The following JAG1 variants were observed in gnomAD, a reference collection of about 807,000 sequenced individuals.
JAG1 encodes protein jagged-1.
Under a neutral mutation model 148.7 loss-of-function variants are expected in JAG1, and 23 were observed. That is an observed-to-expected ratio of 0.15 (90% CI 0.11 to 0.22). The LOEUF is 0.22. Ranked by LOEUF, JAG1 falls within the 10% of genes least tolerant of loss-of-function variation. The pLI is 1.00. For missense variants in JAG1, 1,054 were observed against 1,611.2 expected (o/e 0.65, Z 5.92); for synonymous variants, 572 against 598.3 (o/e 0.96, Z 0.64).
intron 21 of JAG1, among the ~76,000 whole-genome samples, chr20:10,642,272 G>T (rs188252168): frequency 1.2e-4 from 18 of 152,322 alleles, no homozygotes; most frequent in African/African-American, 4.3e-4. Context: ...AGCCACAGCA[G>T]TTTGGGATGG....
intron 2 of JAG1, among the ~76,000 whole-genome samples, chr20:10,670,613 A>G (rs898190126): frequency 1.3e-5 from 2 of 152,226 alleles, no homozygotes; most frequent in African/African-American, 4.8e-5. Flanking sequence ...CAGAAAAACA[A>G]ATACACCTAA....
chr20:10,645,907 TGAA>T lies in JAG1; in HGVS notation c.1999+61_1999+63del. 1 of 1,133,278 alleles carries T rather than the reference TGAA, an allele frequency of 8.8e-7. No homozygotes were observed. The highest frequency in any genetic ancestry group is 1.3e-6 in the Non-Finnish European group (1 of 741,462). The allele number at this position is 1,133,278 out of a possible 1,614,324, so 70.2% of individuals were successfully genotyped here. On this transcript the variant is annotated intron_variant, in intron 15 of 25. Transcript: ENST00000254958. The surrounding 1 kb of genome is among the most constrained non-coding windows in gnomAD (Gnocchi z 6.1). ...CAGTACAAAGAAAGTTTTCCCACGT[TGAA>T]GTGGGATCCCTCCAACATGACCCAT... is the stretch of plus-strand genomic sequence containing the variant.
At position 10,673,518 on chromosome 20, in the gene JAG1, G is replaced by T. The variant is rs2122645989; in HGVS notation, c.13C>A (p.Arg5=). MRSP[R]TRGRSGRPLS... is the part of the protein sequence containing the mutation. ...GGGCGCCCGGACCGGCCGCGCGTCC[G>T]TGGGGAACGCATCGCTGCGCCGCGC... Residue 5 remains arginine (R), a synonymous_variant, in exon 1 of 26, where the codon CGG becomes AGG. Coordinates refer to ENST00000254958, the MANE Select transcript of JAG1 (RefSeq NM_000214.3). This position sits in a 1 kb window ranked among gnomAD's most constrained non-coding sequence, Gnocchi z 4.7. 2 of 1,256,886 alleles carry T rather than the reference G, an allele frequency of 1.6e-6. No individual in the cohort carries two copies. The allele number at this position is 1,256,886 out of a possible 1,614,324, so 77.9% of individuals were successfully genotyped here. A position where few individuals can be genotyped will look rare whatever the true frequency, so the allele number is the denominator to read the frequency against.
chr20:10,659,706 T>C (rs2067403017), intron 3 of JAG1, among the ~76,000 whole-genome samples: 1 of 151,628 alleles, frequency 6.6e-6, no homozygotes, highest in Non-Finnish European at 1.5e-5. Context: ...CACCAAAGTT[T>C]AGACACAGGT....
chr20:10,655,734 C>G (rs2067374520), intron 5 of JAG1, among the ~76,000 whole-genome samples: 1 of 152,126 alleles, frequency 6.6e-6, no homozygotes, highest in Non-Finnish European at 1.5e-5. Context: ...CAAAATAAGC[C>G]TTTTCCAAAC....
Position 10,640,899 on chromosome 20 carries a change from A to G in JAG1, c.3083T>C (p.Ile1028Thr), listed in dbSNP as rs761187116. 1.9e-6 allele frequency: 3 copies of G among 1,614,142 alleles called. No individual in the cohort carries two copies. The highest frequency in any genetic ancestry group is 2.5e-6 in the Non-Finnish European group (3 of 1,180,010). ...GATTATTTTGTCAGTGATTTCCTTG[A>G]TCGGGTTCCCATCATCCCGTATATC... ...AEDIRDDGNP[I>T]KEITDKIIDL... Residue 1028 changes from isoleucine (I) to threonine (T), a missense_variant, in exon 25 of 26, where the codon ATC becomes ACC. Coordinates refer to ENST00000254958, the MANE Select transcript of JAG1 (RefSeq NM_000214.3).
rs1600196655 is a variant in JAG1, at chr20:10,673,024, A to C, written c.82-18T>G. On this transcript the variant is annotated intron_variant, in intron 1 of 25. Transcript: ENST00000254958. The surrounding 1 kb of genome is among the most constrained non-coding windows in gnomAD (Gnocchi z 4.7). ...CCACACACCTGCCGGCGAGGGAAGG[A>C]GGTAGGTCAGCGCGGGAGAAAGCTG... 6.2e-7 allele frequency: 1 copy of C among 1,603,056 alleles called. No homozygotes were observed. The highest frequency in any genetic ancestry group is 8.5e-7 in the Non-Finnish European group (1 of 1,179,558).
chr20:10,656,784 C>T (rs1443708354), intron 4 of JAG1, among the ~76,000 whole-genome samples: 1 of 151,386 alleles, frequency 6.6e-6, no homozygotes, highest in Non-Finnish European at 1.5e-5. Flanking sequence ...AGTTTCCATT[C>T]TGCCCACACC....
In JAG1 at chr20:10,645,030, TC is replaced by T; in HGVS notation, c.2228-52del. The T allele has an allele frequency of 1.3e-6, 2 of 1,546,074 alleles. No individual in the cohort carries two copies. Among genetic ancestry groups the T allele is most frequent in the Non-Finnish European group, 1.8e-6 (2 of 1,118,134 alleles). Reference sequence around the variant, plus strand: ...ACCCTCCCTGAGTATCCAGAAACAGTCTGGAGGGGCAAGAACCAGGCCCAGA... The same window carrying T: ...ACCCTCCCTGAGTATCCAGAAACAGTTGGAGGGGCAAGAACCAGGCCCAGA... On this transcript the variant is annotated intron_variant, in intron 17 of 25. Coordinates refer to ENST00000254958, the MANE Select transcript of JAG1 (RefSeq NM_000214.3). The surrounding 1 kb of genome is among the most constrained non-coding windows in gnomAD (Gnocchi z 6.1).
intron 7 of JAG1, 120 bp from the exon 8 acceptor site, chr20:10,651,814 G>A: frequency 1.4e-6 from 1 of 735,656 alleles, no homozygotes; most frequent in South Asian, 1.5e-5. Flanking sequence ...AAAACCAAAA[G>A]CAAGCGTGTG....
chr20:10,673,156 G>T lies in JAG1; in HGVS notation c.82-150C>A. The T allele has an allele frequency of 1.5e-6, 1 of 650,426 alleles. No homozygotes were observed. The highest frequency in any genetic ancestry group is 2.6e-6 in the Non-Finnish European group (1 of 388,052). 40.3% of individuals were successfully genotyped at this position (650,426 alleles called of 1,614,324 possible). On this transcript the variant is annotated intron_variant, in intron 1 of 25. Coordinates refer to ENST00000254958, the MANE Select transcript of JAG1 (RefSeq NM_000214.3). This position sits in a 1 kb window ranked among gnomAD's most constrained non-coding sequence, Gnocchi z 4.7. ...GAAACTACGTTCAAGGACTCAACAT[G>T]ATTCCGGGGCAAAAAAAAAAAAAAA...
intron 18 of JAG1, chr20:10,644,604 T>C (rs1002236390): frequency 3.1e-6 from 2 of 645,550 alleles, no homozygotes. Context: ...GGGATAGGGG[T>C]GGGGGTGAGA....
intron 5 of JAG1, among the ~76,000 whole-genome samples, chr20:10,653,449 C>T (rs547569485): frequency 6.6e-6 from 1 of 150,778 alleles, no homozygotes; most frequent in African/African-American, 2.4e-5. Context: ...GAGGGGGCAG[C>T]GTCTCAAACC....
rs773778506 is a variant in JAG1, at chr20:10,673,046, G to A, written c.82-40C>T. ...AGGAGGTAGGTCAGCGCGGGAGAAA[G>A]CTGTTTTCTTCGAGTATAGAGGTGG... On this transcript the variant is annotated intron_variant, in intron 1 of 25. Transcript: ENST00000254958. The surrounding 1 kb of genome is among the most constrained non-coding windows in gnomAD (Gnocchi z 4.7). The A allele has an allele frequency of 2.0e-5, 32 of 1,590,338 alleles. No homozygotes were observed. Among genetic ancestry groups the A allele is most frequent in the Non-Finnish European group, 2.6e-5 (30 of 1,171,266 alleles).
At position 10,645,875 on chromosome 20, in the gene JAG1, A is replaced by G. The variant is rs1600182012; in HGVS notation, c.1999+96T>C. 3.4e-6 allele frequency: 3 copies of G among 875,584 alleles called. No individual in the cohort carries two copies. The East Asian group carries it at 7.2e-5, about 21-fold the overall frequency. The allele number at this position is 875,584 out of a possible 1,614,324, so 54.2% of individuals were successfully genotyped here. A position where few individuals can be genotyped will look rare whatever the true frequency, so the allele number is the denominator to read the frequency against. On this transcript the variant is annotated intron_variant, in intron 15 of 25. Coordinates refer to ENST00000254958, the MANE Select transcript of JAG1 (RefSeq NM_000214.3). This position sits in a 1 kb window ranked among gnomAD's most constrained non-coding sequence, Gnocchi z 6.1. ...GAAATCACTGCGGTCTTGCTTCCAG[A>G]GATTTCCAGTACAAAGAAAGTTTTC...
At position 10,644,708 on chromosome 20, in the gene JAG1, G is replaced by A. The variant is rs529201970; in HGVS notation, c.2344+155C>T. On this transcript the variant is annotated intron_variant, in intron 18 of 25. Transcript: ENST00000254958. ...TTATTGGCGACTTTCTCATGCCCAG[G>A]TCAGGGCTGTATCCCATCAAGTCAT... is the stretch of plus-strand genomic sequence containing the variant. The A allele has an allele frequency of 7.7e-5, 56 of 725,248 alleles. No individual in the cohort carries two copies. The African/African-American group carries it at 9.1e-4, about 12-fold the overall frequency. The allele number at this position is 725,248 out of a possible 1,614,324, so 44.9% of individuals were successfully genotyped here.
At chr20:10,641,412 G>T (rs374501005) in intron 23 of JAG1, 48 bp downstream of exon 23, 7 of 1,549,686 alleles carry the variant, frequency 4.5e-6, no homozygotes, top group Non-Finnish European at 4.4e-6. Context: ...TTTAAAGCAA[G>T]CAAGCAGACA....
At position 10,673,063 on chromosome 20, in the gene JAG1, T is replaced by C. The variant is rs568922422; in HGVS notation, c.82-57A>G. 2 of 1,539,436 alleles carry C rather than the reference T, an allele frequency of 1.3e-6. No homozygotes were observed. Among genetic ancestry groups the C allele is most frequent in the Admixed American group, 1.7e-5 (1 of 59,016 alleles). The stretch of plus-strand genomic sequence containing the variant: ...GGGAGAAAGCTGTTTTCTTCGAGTA[T>C]AGAGGTGGCGACTCCCTCCCACTCC... On this transcript the variant is annotated intron_variant, in intron 1 of 25. Coordinates refer to ENST00000254958, the MANE Select transcript of JAG1 (RefSeq NM_000214.3). The surrounding 1 kb of genome is among the most constrained non-coding windows in gnomAD (Gnocchi z 4.7).
rs142552550 is a variant in JAG1, at chr20:10,645,784, C to T, written c.1999+187G>A. The T allele has an allele frequency of 8.3e-4, 531 of 638,002 alleles. No individual in the cohort carries two copies. The highest frequency in any genetic ancestry group is 1.3e-3 in the Non-Finnish European group (468 of 358,798). 39.5% of individuals were successfully genotyped at this position (638,002 alleles called of 1,614,324 possible). A position where few individuals can be genotyped will look rare whatever the true frequency, so the allele number is the denominator to read the frequency against. On this transcript the variant is annotated intron_variant, in intron 15 of 25. Transcript: ENST00000254958. This position sits in a 1 kb window ranked among gnomAD's most constrained non-coding sequence, Gnocchi z 6.1. ...TTCTATAGGTCCTCAGCAGAAGCTC[C>T]TCCCCATAAGCTATCATCAGGACTC...
Sources: allele counts gnomAD v4.1 joint callset (sites outside exome capture counted in the v4.1 genomes callset), GRCh38; gene constraint gnomAD v4.1.1; non-coding constraint Gnocchi (gnomAD v3.1); transcripts MANE v1.5; gene names NCBI Gene and HGNC (gene_info 2026-07-23, HGNC 2026-07-21).